The following SLC38A6 variants were observed in gnomAD, a reference collection of about 807,000 sequenced individuals.
SLC38A6 encodes the protein solute carrier family 38 member 6.
In SLC38A6, 73 loss-of-function variants were observed where a neutral mutation model predicts 65.0. The observed-to-expected ratio is 1.12, with a 90% CI of 0.93 to 1.37. The LOEUF (loss-of-function observed/expected upper bound fraction) is 1.37. Ranked by LOEUF, SLC38A6 falls within the 40% of genes most tolerant of loss-of-function variation. SLC38A6 has a pLI of 0.00. For missense variants in SLC38A6, 561 were observed against 531.1 expected (o/e 1.06, Z -0.55); for synonymous variants, 183 against 178.8 (o/e 1.02, Z -0.19).
intron 3 of SLC38A6, among the ~76,000 whole-genome samples, chr14:61,014,860 C>A (rs1044958232): frequency 6.6e-6 from 1 of 152,202 alleles, no homozygotes; most frequent in Non-Finnish European, 1.5e-5. Context: ...CATTCTGTCC[C>A]TTCTCAGATC....
At chr14:61,061,957 C>T (rs983833815) in intron 15 of SLC38A6, among the ~76,000 whole-genome samples, 7 of 152,156 alleles carry the variant, frequency 4.6e-5, no homozygotes, top group African/African-American at 1.7e-4. Flanking sequence ...CATGCCTCAG[C>T]CTCCCCAGTA....
intron 3 of SLC38A6, among the ~76,000 whole-genome samples, chr14:61,002,636 G>A (rs1595019480): frequency 1.3e-5 from 2 of 152,248 alleles, no homozygotes; most frequent in Admixed American, 1.3e-4. Flanking sequence ...CGATTCCTGT[G>A]GAGGCCAAAC....
At chr14:60,992,732 G>T (rs920274797) in intron 3 of SLC38A6, among the ~76,000 whole-genome samples, 5 of 151,848 alleles carry the variant, frequency 3.3e-5, no homozygotes, top group Admixed American at 6.6e-5. Context: ...TGTTGTCCAG[G>T]ATGGAGTGCA....
intron 3 of SLC38A6, among the ~76,000 whole-genome samples, chr14:60,998,331 G>A (rs1464632011): frequency 6.6e-6 from 1 of 151,958 alleles, no homozygotes; most frequent in Non-Finnish European, 1.5e-5. Flanking sequence ...TCCACAGGCA[G>A]GAGAGCAGAC....
chr14:60,993,562 TG>T (rs1253708088), intron 3 of SLC38A6, among the ~76,000 whole-genome samples: 1 of 152,228 alleles, frequency 6.6e-6, no homozygotes, highest in Non-Finnish European at 1.5e-5. Flanking sequence ...CTGAGACTGC[TG>T]GCAGCAAGTC....
chr14:61,076,096 C>G (rs1364541038), intron 15 of SLC38A6, among the ~76,000 whole-genome samples: 1 of 151,956 alleles, frequency 6.6e-6, no homozygotes, highest in African/African-American at 2.4e-5. Context: ...CTCAGGTGAT[C>G]TGCCCGTCTT....
intron 3 of SLC38A6, among the ~76,000 whole-genome samples, chr14:60,993,867 C>A (rs961088857): frequency 1.3e-5 from 2 of 152,154 alleles, no homozygotes; most frequent in Non-Finnish European, 2.9e-5. Flanking sequence ...CATACACACA[C>A]ACAAGCCAAT....
chr14:61,023,416 C>T (rs1347481510), intron 5 of SLC38A6, among the ~76,000 whole-genome samples: 1 of 151,636 alleles, frequency 6.6e-6, no homozygotes, highest in Non-Finnish European at 1.5e-5. Flanking sequence ...ACTAAAAATA[C>T]AAAAAATTAG....
Position 61,043,716 on chromosome 14 carries a change from T to TC in SLC38A6, c.744+215dup, listed in dbSNP as rs1403907445. Among the ~76,000 whole-genome samples the TC allele has an allele frequency of 5.3e-4, 76 of 142,208 alleles. 1 individual carries two copies. Among genetic ancestry groups the TC allele is most frequent in the Non-Finnish European group, 5.5e-4 (37 of 66,694 alleles). The allele number at this position is 142,208 out of a possible 152,430, so 93.3% of individuals were successfully genotyped here. A position where few individuals can be genotyped will look rare whatever the true frequency, so the allele number is the denominator to read the frequency against. On this transcript the variant is annotated intron_variant, in intron 10 of 15. Transcript: ENST00000267488. ...ACCTTTTTTTTTTTTTTTTTTTTTT[T>TC]CCTGGTATGCCTTTGAATGGAGCCT...
intron 3 of SLC38A6, among the ~76,000 whole-genome samples, chr14:60,994,688 G>A (rs1248397139): frequency 5.6e-5 from 7 of 124,942 alleles, no homozygotes; most frequent in African/African-American, 2.1e-4. Flanking sequence ...TGGGCGACAA[G>A]AGCAAAACCT....
At chr14:61,017,113 C>G (rs1378427954) in intron 4 of SLC38A6, among the ~76,000 whole-genome samples, 1 of 152,158 alleles carries the variant, frequency 6.6e-6, no homozygotes, top group African/African-American at 2.4e-5. Context: ...ATGATCTCAG[C>G]TCACCACAAC....
intron 15 of SLC38A6, among the ~76,000 whole-genome samples, chr14:61,067,022 A>C (rs917461600): frequency 6.6e-6 from 1 of 152,182 alleles, no homozygotes; most frequent in Non-Finnish European, 1.5e-5. Flanking sequence ...TACAACTTTT[A>C]TTTTTCTGAC....
intron 3 of SLC38A6, among the ~76,000 whole-genome samples, chr14:61,011,144 G>A (rs2039531490): frequency 6.6e-6 from 1 of 152,022 alleles, no homozygotes; most frequent in Admixed American, 6.5e-5. Flanking sequence ...TTGAAGCAAT[G>A]GTCAATGGGA....
At chr14:61,066,526 A>T (rs964453685) in intron 15 of SLC38A6, among the ~76,000 whole-genome samples, 2 of 152,038 alleles carry the variant, frequency 1.3e-5, no homozygotes, top group African/African-American at 4.8e-5. Flanking sequence ...AAAAAAAAAC[A>T]CAAAAACAGA....
intron 3 of SLC38A6, among the ~76,000 whole-genome samples, chr14:60,999,927 C>G (rs2038587751): frequency 6.6e-6 from 1 of 152,140 alleles, no homozygotes; most frequent in Non-Finnish European, 1.5e-5. Context: ...GAATAAATTT[C>G]TGTTGTTTTA....
At chr14:61,064,094 G>T (rs939643176) in intron 15 of SLC38A6, among the ~76,000 whole-genome samples, 2 of 152,116 alleles carry the variant, frequency 1.3e-5, no homozygotes, top group African/African-American at 4.8e-5. Flanking sequence ...CTGGCCCCAG[G>T]TGCACGTTTT....
intron 3 of SLC38A6, among the ~76,000 whole-genome samples, chr14:61,009,878 T>G (rs1391076418): frequency 4.6e-5 from 7 of 152,290 alleles, no homozygotes; most frequent in South Asian, 4.1e-4. Context: ...ATGATTTATG[T>G]TCCTTTGGGT....
intron 3 of SLC38A6, among the ~76,000 whole-genome samples, chr14:61,007,837 G>C (rs975445694): frequency 3.3e-5 from 5 of 151,978 alleles, no homozygotes; most frequent in Admixed American, 1.3e-4. Context: ...AAGGCTTTGG[G>C]ATGTTAAATA....
intron 7 of SLC38A6, 99 bp from the exon 8 acceptor site, chr14:61,037,526 A>G: frequency 1.3e-6 from 1 of 788,196 alleles, no homozygotes; most frequent in Admixed American, 2.8e-5. Context: ...CCAGATACCA[A>G]CCACTATAAT....
Sources: allele counts gnomAD v4.1 joint callset (sites outside exome capture counted in the v4.1 genomes callset), GRCh38; gene constraint gnomAD v4.1.1; transcripts MANE v1.5; gene names NCBI Gene and HGNC (gene_info 2026-07-23, HGNC 2026-07-21).